The following ERC2 variants were observed in gnomAD, a reference collection of about 807,000 sequenced individuals.
ERC2 encodes the protein ELKS/RAB6-interacting/CAST family member 2.
A neutral mutation model predicts 114.8 loss-of-function variants in ERC2; 42 were observed. The ratio of observed to expected loss-of-function variants is 0.37; its 90% CI spans 0.29 to 0.47. ERC2 has a LOEUF of 0.47. Among genes scored for constraint, ERC2 ranks in the 20% least tolerant of loss-of-function variants. The pLI is 0.99. For synonymous variants in ERC2, 454 were observed against 425.5 expected (o/e 1.07, Z -0.82); for missense variants, 939 against 1,150.7 (o/e 0.82, Z 2.66).
chr3:55,921,322 G>A (rs1395518339), intron 13 of ERC2, among the ~76,000 whole-genome samples: 1 of 152,078 alleles, frequency 6.6e-6, no homozygotes, highest in Non-Finnish European at 1.5e-5. Context: ...TTATTATGGT[G>A]TTGGTGTTTG....
At chr3:55,750,020 AAAAGAG>A (rs2066583706) in intron 14 of ERC2, among the ~76,000 whole-genome samples, 1 of 152,194 alleles carries the variant, frequency 6.6e-6, no homozygotes, top group Non-Finnish European at 1.5e-5. Flanking sequence ...GTGGTGGCTT[AAAAGAG>A]CAGTCTAATG....
At chr3:55,997,936 T>TC (rs757693928) in intron 10 of ERC2, among the ~76,000 whole-genome samples, 1 of 142,206 alleles carries the variant, frequency 7.0e-6, no homozygotes, top group Non-Finnish European at 1.5e-5. Context: ...TTTGTTTTTT[T>TC]TTTTTTTTTG....
intron 6 of ERC2, among the ~76,000 whole-genome samples, chr3:56,081,844 CT>C (rs886943608): frequency 6.6e-6 from 1 of 152,082 alleles, no homozygotes; most frequent in Non-Finnish European, 1.5e-5. Context: ...AGTTAATTTT[CT>C]GTAGCATTTT....
At chr3:55,832,229 T>C (rs2060636110) in intron 14 of ERC2, among the ~76,000 whole-genome samples, 3 of 152,242 alleles carry the variant, frequency 2.0e-5, no homozygotes, top group Admixed American at 2.0e-4. Flanking sequence ...TAAATGTCCC[T>C]GTCTGACAGC....
At chr3:55,788,194 C>T (rs1176974966) in intron 14 of ERC2, among the ~76,000 whole-genome samples, 1 of 152,196 alleles carries the variant, frequency 6.6e-6, no homozygotes, top group Admixed American at 6.5e-5. Context: ...GAATATGTGG[C>T]AGGGCTTGGG....
chr3:56,006,030 T>C (rs1020198923), intron 10 of ERC2, among the ~76,000 whole-genome samples: 1 of 152,034 alleles, frequency 6.6e-6, no homozygotes, highest in African/African-American at 2.4e-5. Context: ...ATAAGTGAGA[T>C]GATGAGTGGA....
At chr3:56,312,064 G>T (rs2056614750) in intron 2 of ERC2, among the ~76,000 whole-genome samples, 1 of 152,122 alleles carries the variant, frequency 6.6e-6, no homozygotes, top group South Asian at 2.1e-4. Flanking sequence ...TATCCAGGAG[G>T]ATGTGTATAG....
intron 14 of ERC2, among the ~76,000 whole-genome samples, chr3:55,818,204 G>A (rs1448378593): frequency 6.6e-6 from 1 of 152,100 alleles, no homozygotes; most frequent in Non-Finnish European, 1.5e-5. Flanking sequence ...TATGCAACAC[G>A]GATTCTGTGT....
chr3:56,362,823 GCTGGAAGGAGACAC>G (rs1343393379), intron 2 of ERC2, among the ~76,000 whole-genome samples: 1 of 152,194 alleles, frequency 6.6e-6, no homozygotes, highest in African/African-American at 2.4e-5. Flanking sequence ...CTGTCCAATA[GCTGGAAGGAGACAC>G]CTCCTCTGTT....
chr3:55,800,149 C>T (rs2070921991), intron 14 of ERC2, among the ~76,000 whole-genome samples: 1 of 151,966 alleles, frequency 6.6e-6, no homozygotes, highest in Non-Finnish European at 1.5e-5. Flanking sequence ...TTCTCTCTTT[C>T]TTTCTTTGTT....
chr3:55,930,303 C>T (rs1228959684), intron 13 of ERC2, among the ~76,000 whole-genome samples: 1 of 151,976 alleles, frequency 6.6e-6, no homozygotes, highest in Non-Finnish European at 1.5e-5. Context: ...TACAGCAATG[C>T]AAGAACAGAC....
intron 17 of ERC2, among the ~76,000 whole-genome samples, chr3:55,533,381 G>A (rs191163378): frequency 2.6e-5 from 4 of 152,324 alleles, no homozygotes; most frequent in East Asian, 1.9e-4. Context: ...GAATGATACT[G>A]ACAGTATTCA....
At chr3:56,082,943 C>T (rs1420454371) in intron 6 of ERC2, among the ~76,000 whole-genome samples, 2 of 152,184 alleles carry the variant, frequency 1.3e-5, no homozygotes, top group African/African-American at 4.8e-5. Context: ...GCCTGATGAT[C>T]TGAGGTGGAA....
At chr3:55,973,823 G>C (rs774632367) in intron 12 of ERC2, among the ~76,000 whole-genome samples, 26 of 152,272 alleles carry the variant, frequency 1.7e-4, no homozygotes, top group Non-Finnish European at 3.4e-4. Flanking sequence ...AGGTAATATA[G>C]GGTTTTAGAA....
chr3:56,173,751 A>C, intron 3 of ERC2: 1 of 498,262 alleles, frequency 2.0e-6, no homozygotes, highest in Non-Finnish European at 3.5e-6. Context: ...TCAATAATTA[A>C]TGTCAACTGT....
intron 2 of ERC2, among the ~76,000 whole-genome samples, chr3:56,356,750 T>C (rs958574364): frequency 1.3e-5 from 2 of 152,198 alleles, no homozygotes; most frequent in African/African-American, 4.8e-5. Context: ...TCTCACAATA[T>C]TCTCTGGATA....
chr3:55,687,738 G>A (rs755477033), intron 16 of ERC2, among the ~76,000 whole-genome samples: 6 of 152,220 alleles, frequency 3.9e-5, no homozygotes, highest in Non-Finnish European at 7.3e-5. Flanking sequence ...ACGTTTGGCT[G>A]CACAAGTCAT....
At chr3:55,537,437 C>T (rs1330487948) in intron 17 of ERC2, among the ~76,000 whole-genome samples, 1 of 152,190 alleles carries the variant, frequency 6.6e-6, no homozygotes, top group Non-Finnish European at 1.5e-5. Context: ...TGGTGTTTTT[C>T]ATTCAAAGGT....
intron 2 of ERC2, among the ~76,000 whole-genome samples, chr3:56,423,719 T>C (rs973818515): frequency 1.3e-5 from 2 of 152,078 alleles, no homozygotes; most frequent in African/African-American, 4.8e-5. Context: ...CGTGCCAGAA[T>C]TCGGTTGTTA....
Sources: allele counts gnomAD v4.1 joint callset (sites outside exome capture counted in the v4.1 genomes callset), GRCh38; gene constraint gnomAD v4.1.1; transcripts MANE v1.5; gene names NCBI Gene and HGNC (gene_info 2026-07-23, HGNC 2026-07-21).